Variants in ANKS1B observed in about 807,000 individuals in gnomAD.
The protein encoded by ANKS1B is ankyrin repeat and sterile alpha motif domain-containing protein 1B.
Under a neutral mutation model 148.3 loss-of-function variants are expected in ANKS1B, and 36 were observed. The ratio of observed to expected loss-of-function variants is 0.24; its 90% CI spans 0.19 to 0.32. The LOEUF (loss-of-function observed/expected upper bound fraction) is 0.32, where lower values mean the gene tolerates loss of function less well. Among genes scored for constraint, ANKS1B ranks in the 10% least tolerant of loss-of-function variants. ANKS1B has a pLI of 1.00. For synonymous variants in ANKS1B, 542 were observed against 560.8 expected (o/e 0.97, Z 0.47); for missense variants, 1,157 against 1,542.6 (o/e 0.75, Z 4.19).
intron 12 of ANKS1B, among the ~76,000 whole-genome samples, chr12:99,263,864 T>A (rs749259708): frequency 2.4e-4 from 36 of 152,196 alleles, no homozygotes; most frequent in Non-Finnish European, 4.3e-4. Flanking sequence ...ACCTCTTTTC[T>A]TTATAAGTTA....
intron 15 of ANKS1B, among the ~76,000 whole-genome samples, chr12:99,086,145 G>T (rs1222375902): frequency 6.6e-6 from 1 of 152,186 alleles, no homozygotes; most frequent in Non-Finnish European, 1.5e-5. Flanking sequence ...ACTGTTCAAA[G>T]GCAGTTAGGT....
intron 17 of ANKS1B, among the ~76,000 whole-genome samples, chr12:98,968,290 C>T (rs1457715140): frequency 1.3e-5 from 2 of 152,200 alleles, no homozygotes; most frequent in Non-Finnish European, 2.9e-5. Flanking sequence ...GACCAGCACA[C>T]GTGGGTATTT....
At chr12:98,850,840 T>A (rs1483668696) in intron 17 of ANKS1B, among the ~76,000 whole-genome samples, 2 of 150,888 alleles carry the variant, frequency 1.3e-5, no homozygotes, top group Non-Finnish European at 2.9e-5. Context: ...CTGCCAATGC[T>A]CCCATTTTCA....
intron 9 of ANKS1B, among the ~76,000 whole-genome samples, chr12:99,601,563 A>G (rs1390076205): frequency 6.6e-6 from 1 of 152,098 alleles, no homozygotes; most frequent in Non-Finnish European, 1.5e-5. Flanking sequence ...AGGACAGAAA[A>G]GGTGTAAAAT....
At chr12:98,950,821 A>T (rs2099853015) in intron 17 of ANKS1B, among the ~76,000 whole-genome samples, 1 of 152,126 alleles carries the variant, frequency 6.6e-6, no homozygotes, top group Admixed American at 6.5e-5. Context: ...GCTACGGTGC[A>T]GTGGTGCAAT....
chr12:99,685,838 G>C (rs1283065798), intron 8 of ANKS1B, among the ~76,000 whole-genome samples: 1 of 151,972 alleles, frequency 6.6e-6, no homozygotes, highest in East Asian at 1.9e-4. Context: ...ACAGCAACCT[G>C]GATGGAGTTG....
At chr12:99,542,411 C>T (rs1388046839) in intron 9 of ANKS1B, among the ~76,000 whole-genome samples, 1 of 151,920 alleles carries the variant, frequency 6.6e-6, no homozygotes, top group African/African-American at 2.4e-5. Flanking sequence ...TTAAAGAAGG[C>T]ATAAATAAGT....
intron 17 of ANKS1B, among the ~76,000 whole-genome samples, chr12:98,879,739 AG>A (rs1484866205): frequency 2.6e-5 from 4 of 152,236 alleles, no homozygotes; most frequent in Non-Finnish European, 4.4e-5. Flanking sequence ...AATACCACAT[AG>A]TACAGATAAT....
chr12:99,529,931 A>C (rs1395949682), intron 9 of ANKS1B, among the ~76,000 whole-genome samples: 1 of 152,214 alleles, frequency 6.6e-6, no homozygotes, highest in Admixed American at 6.5e-5. Flanking sequence ...TTAATTTAGG[A>C]ATGTAGACAG....
At chr12:99,210,869 T>C (rs1330156738) in intron 14 of ANKS1B, among the ~76,000 whole-genome samples, 1 of 152,234 alleles carries the variant, frequency 6.6e-6, no homozygotes, top group Non-Finnish European at 1.5e-5. Context: ...GTGAGGATAA[T>C]AGCAGTCTCC....
intron 8 of ANKS1B, among the ~76,000 whole-genome samples, chr12:99,675,888 A>T (rs2098563244): frequency 6.6e-6 from 1 of 152,188 alleles, no homozygotes; most frequent in Admixed American, 6.6e-5. Context: ...CATGAAAATT[A>T]AGAAATAAAA....
intron 1 of ANKS1B, among the ~76,000 whole-genome samples, chr12:99,889,646 C>G (rs2092998058): frequency 6.6e-6 from 1 of 152,078 alleles, no homozygotes; most frequent in South Asian, 2.1e-4. Flanking sequence ...AGGTAGAATA[C>G]TTAACAAAAC....
At chr12:99,815,176 T>C (rs1198580181) in intron 2 of ANKS1B, among the ~76,000 whole-genome samples, 2 of 151,806 alleles carry the variant, frequency 1.3e-5, no homozygotes, top group East Asian at 3.9e-4. Flanking sequence ...GAATTTCATT[T>C]GTTCTTTGGC....
intron 12 of ANKS1B, among the ~76,000 whole-genome samples, chr12:99,302,597 C>A (rs2081800623): frequency 2.0e-5 from 3 of 152,108 alleles, no homozygotes; most frequent in Non-Finnish European, 4.4e-5. Context: ...ATGTTAGGCA[C>A]ATGAATTATT....
chr12:98,890,327 G>A (rs1007971135), intron 17 of ANKS1B, among the ~76,000 whole-genome samples: 1 of 152,118 alleles, frequency 6.6e-6, no homozygotes, highest in Non-Finnish European at 1.5e-5. Context: ...AAGAGACAAT[G>A]CCAACCTTCC....
chr12:98,892,887 T>C (rs1224597499), intron 17 of ANKS1B, among the ~76,000 whole-genome samples: 1 of 152,174 alleles, frequency 6.6e-6, no homozygotes, highest in Non-Finnish European at 1.5e-5. Flanking sequence ...TCTACTGTCA[T>C]GGCTTAAGAA....
intron 1 of ANKS1B, among the ~76,000 whole-genome samples, chr12:99,947,636 A>G (rs1399590596): frequency 6.6e-6 from 1 of 152,130 alleles, no homozygotes; most frequent in Non-Finnish European, 1.5e-5. Context: ...CAAACTTATT[A>G]TCTCACGGTT....
At chr12:99,499,467 G>T (rs1360733072) in intron 10 of ANKS1B, among the ~76,000 whole-genome samples, 1 of 152,156 alleles carries the variant, frequency 6.6e-6, no homozygotes, top group African/African-American at 2.4e-5. Flanking sequence ...GTGGCTGCAA[G>T]AATATCTTCT....
intron 9 of ANKS1B, among the ~76,000 whole-genome samples, chr12:99,629,259 G>C (rs931710126): frequency 6.6e-6 from 1 of 152,176 alleles, no homozygotes; most frequent in African/African-American, 2.4e-5. Flanking sequence ...CTGGTAGGTA[G>C]CTAGCATAGG....
Sources: gnomAD v4.1 joint callset for allele counts (sites outside exome capture counted in the v4.1 genomes callset) on GRCh38, gnomAD v4.1.1 for gene constraint, MANE v1.5 for transcripts, NCBI Gene and HGNC (gene_info 2026-07-23, HGNC 2026-07-21) for gene names.